CWH43: variants seen among roughly 807,000 people sequenced by gnomAD.
CWH43 encodes PGAP2-interacting protein.
In CWH43, 91 loss-of-function variants were observed where a neutral mutation model predicts 85.7. The observed-to-expected ratio is 1.06, with a 90% CI of 0.90 to 1.26. The LOEUF (loss-of-function observed/expected upper bound fraction) is 1.26. Ranked by LOEUF, CWH43 falls within the 50% of genes most tolerant of loss-of-function variation. The probability of loss-of-function intolerance (pLI) is 0.00; values close to 1 mark genes in which losing one functional copy is unlikely to be tolerated. For missense variants in CWH43, 869 were observed against 839.2 expected (o/e 1.04, Z -0.44); for synonymous variants, 323 against 293.6 (o/e 1.10, Z -1.02).
chr4:49,048,417 T>C (rs1056480041), intron 14 of CWH43, among the ~76,000 whole-genome samples: 2 of 151,202 alleles, frequency 1.3e-5, no homozygotes, highest in Non-Finnish European at 2.9e-5. Flanking sequence ...AAATATGATA[T>C]CATATATATA....
At chr4:49,053,325 T>G (rs1282363077) in intron 15 of CWH43, among the ~76,000 whole-genome samples, 3 of 152,214 alleles carry the variant, frequency 2.0e-5, no homozygotes, top group Non-Finnish European at 4.4e-5. Context: ...GATTGCTGGA[T>G]CATATGGTAG....
Position 49,004,099 on chromosome 4 carries a change from C to A in CWH43, c.1060+107C>A. The A allele has an allele frequency of 3.9e-6, 4 of 1,019,730 alleles. 1 individual carries two copies. Among genetic ancestry groups the A allele is most frequent in the South Asian group, 3.7e-5 (2 of 54,312 alleles). The allele number at this position is 1,019,730 out of a possible 1,614,324, so 63.2% of individuals were successfully genotyped here. A position where few individuals can be genotyped will look rare whatever the true frequency, so the allele number is the denominator to read the frequency against. ...AACTGGTGGAAATAAGCAGGATGAT[C>A]TAGCTTTCTTGGTAAAATAGACTCT... On this transcript the variant is annotated intron_variant, in intron 7 of 15. Coordinates refer to ENST00000226432, the MANE Select transcript of CWH43 (RefSeq NM_025087.3).
intron 5 of CWH43, 82 bp downstream of exon 5, chr4:48,994,902 C>A: frequency 9.2e-7 from 1 of 1,091,476 alleles, no homozygotes; most frequent in Non-Finnish European, 1.4e-6. Flanking sequence ...ACAGCTAGGT[C>A]TGTGCTAGCC....
chr4:49,053,505 G>A (rs1415974851), intron 15 of CWH43, among the ~76,000 whole-genome samples: 1 of 152,060 alleles, frequency 6.6e-6, no homozygotes, highest in African/African-American at 2.4e-5. Context: ...GTGAGGTAAT[G>A]TCTCATTGCG....
intron 15 of CWH43, among the ~76,000 whole-genome samples, chr4:49,054,381 C>T (rs1282466444): frequency 6.6e-6 from 1 of 152,086 alleles, no homozygotes; most frequent in Non-Finnish European, 1.5e-5. Flanking sequence ...TGTTTTTATG[C>T]CAGTACCATA....
At chr4:49,045,100 T>A (rs1336918139) in intron 14 of CWH43, among the ~76,000 whole-genome samples, 1 of 152,122 alleles carries the variant, frequency 6.6e-6, no homozygotes, top group African/African-American at 2.4e-5. Flanking sequence ...TGTAGGCTAT[T>A]AGGCATGGTG....
intron 2 of CWH43, 76 bp downstream of exon 2, chr4:48,988,744 G>T (rs1782567828): frequency 1.2e-6 from 1 of 842,024 alleles, no homozygotes; most frequent in Admixed American, 3.5e-5. Flanking sequence ...ACTGTTCTTT[G>T]AATACTAAAT....
chr4:49,049,931 C>A (rs1029096985), intron 14 of CWH43, among the ~76,000 whole-genome samples: 2 of 152,162 alleles, frequency 1.3e-5, no homozygotes, highest in African/African-American at 2.4e-5. Flanking sequence ...TTAATGCATC[C>A]TTCCCTACTA....
intron 12 of CWH43, among the ~76,000 whole-genome samples, chr4:49,033,539 G>A (rs771342937): frequency 2.6e-5 from 4 of 152,266 alleles, no homozygotes; most frequent in African/African-American, 4.8e-5. Flanking sequence ...AGACAAGCAC[G>A]TGAAGTTAAT....
intron 3 of CWH43, 25 bp from the exon 4 acceptor site, chr4:48,991,911 T>G: frequency 6.2e-7 from 1 of 1,600,974 alleles, no homozygotes; most frequent in Non-Finnish European, 8.5e-7. Context: ...ATAAAAAGTG[T>G]TTAAAAATAC....
At chr4:48,989,273 T>C (rs1782583054) in intron 2 of CWH43, among the ~76,000 whole-genome samples, 1 of 152,170 alleles carries the variant, frequency 6.6e-6, no homozygotes, top group African/African-American at 2.4e-5. Flanking sequence ...CACATACAGA[T>C]ATGTTTATCT....
chr4:49,034,222 C>T (rs1784192228), intron 12 of CWH43, among the ~76,000 whole-genome samples: 1 of 152,080 alleles, frequency 6.6e-6, no homozygotes, highest in Non-Finnish European at 1.5e-5. Flanking sequence ...TTTCATGTAG[C>T]AAGTACAGGC....
At chr4:49,015,176 G>C (rs1783503743) in intron 8 of CWH43, among the ~76,000 whole-genome samples, 2 of 151,336 alleles carry the variant, frequency 1.3e-5, no homozygotes, top group Admixed American at 1.3e-4. Flanking sequence ...TATCTAATGT[G>C]ATCATCTTAC....
At chr4:49,055,913 CTTTTTTTT>C (rs71191286) in intron 15 of CWH43, among the ~76,000 whole-genome samples, 1 of 141,994 alleles carries the variant, frequency 7.0e-6, no homozygotes, top group African/African-American at 2.6e-5. Flanking sequence ...TTCTTTTTTT[CTTTTTTTT>C]TTTTTTATTA....
At chr4:48,995,662 C>A (rs560863368) in intron 5 of CWH43, among the ~76,000 whole-genome samples, 1 of 152,284 alleles carries the variant, frequency 6.6e-6, no homozygotes, top group Non-Finnish European at 1.5e-5. Context: ...TTCCCCCATT[C>A]CCAGGTCCAT....
intron 1 of CWH43, chr4:48,986,732 T>C: frequency 4.5e-6 from 6 of 1,326,032 alleles, no homozygotes; most frequent in Non-Finnish European, 5.8e-6. Flanking sequence ...AGCCCTGGGA[T>C]TGTGCCCAAG....
At chr4:48,990,360 TTTG>T (rs1420625801) in intron 2 of CWH43, among the ~76,000 whole-genome samples, 1 of 152,186 alleles carries the variant, frequency 6.6e-6, no homozygotes, top group African/African-American at 2.4e-5. Flanking sequence ...ACCATTGAGC[TTTG>T]TTGTTGCTAA....
At chr4:49,060,755 G>A (rs1577721939) in intron 15 of CWH43, among the ~76,000 whole-genome samples, 1 of 152,082 alleles carries the variant, frequency 6.6e-6, no homozygotes, top group South Asian at 2.1e-4. Flanking sequence ...TTTGTGCATG[G>A]ATAGTTGTTC....
chr4:49,050,948 T>TAG (rs1365221773), intron 15 of CWH43, 99 bp downstream of exon 15: 1 of 901,612 alleles, frequency 1.1e-6, no homozygotes, highest in African/African-American at 1.7e-5. Context: ...TATTTTGTCC[T>TAG]AGAGGTTTAT....
Sources: allele counts gnomAD v4.1 joint callset (sites outside exome capture counted in the v4.1 genomes callset), GRCh38; gene constraint gnomAD v4.1.1; transcripts MANE v1.5; gene names NCBI Gene and HGNC (gene_info 2026-07-23, HGNC 2026-07-21).